MYOCD: variants seen among roughly 807,000 people sequenced by gnomAD.
MYOCD encodes the protein myocardin.
MYOCD carries 32 observed loss-of-function variants against 96.1 expected under a neutral mutation model. That is an observed-to-expected ratio of 0.33 (90% confidence interval 0.25 to 0.45). MYOCD has a LOEUF of 0.45. MYOCD is among the 20% of genes least tolerant of loss of function. MYOCD has a pLI of 1.00. For synonymous variants in MYOCD, 469 were observed against 469.0 expected (o/e 1.00, Z 0.00); for missense variants, 1,133 against 1,200.6 (o/e 0.94, Z 0.83).
intron 1 of MYOCD, among the ~76,000 whole-genome samples, chr17:12,699,907 C>A (rs1314421391): frequency 7.8e-6 from 1 of 128,560 alleles, no homozygotes; most frequent in Non-Finnish European, 1.6e-5. Context: ...TTTTTTTTTA[C>A]CTTTTTTTTT....
chr17:12,682,788 A>C (rs187586770), intron 1 of MYOCD, among the ~76,000 whole-genome samples: 1 of 152,314 alleles, frequency 6.6e-6, no homozygotes, highest in East Asian at 1.9e-4. Context: ...CATACCCAGA[A>C]GTCTTTGATT....
At chr17:12,730,364 C>A (rs1363415619) in intron 5 of MYOCD, among the ~76,000 whole-genome samples, 1 of 151,174 alleles carries the variant, frequency 6.6e-6, no homozygotes, top group African/African-American at 2.4e-5. Context: ...AGGAGAATCG[C>A]TTGAACCTGG....
chr17:12,669,612 G>C (rs771859142), intron 1 of MYOCD, among the ~76,000 whole-genome samples: 8 of 151,898 alleles, frequency 5.3e-5, no homozygotes, highest in Non-Finnish European at 1.2e-4. Context: ...TACAATCTGA[G>C]TGTTTTTTGT....
chr17:12,682,867 G>A (rs984713559), intron 1 of MYOCD, among the ~76,000 whole-genome samples: 1 of 152,132 alleles, frequency 6.6e-6, no homozygotes, highest in African/African-American at 2.4e-5. Flanking sequence ...CTGCCACCAC[G>A]GGATGCCCCT....
At chr17:12,719,697 A>AC (rs2150687413) in intron 4 of MYOCD, among the ~76,000 whole-genome samples, 1 of 97,556 alleles carries the variant, frequency 1.0e-5, no homozygotes, top group African/African-American at 3.7e-5. Context: ...TACTAAAAAT[A>AC]CAAAAAAAAA....
rs1293340916 is a variant in MYOCD, at chr17:12,746,002, G to C, written c.1055G>C (p.Ser352Thr). 6 of 1,614,092 alleles carry C rather than the reference G, an allele frequency of 3.7e-6. No homozygotes were observed. Among genetic ancestry groups the C allele is most frequent in the South Asian group, 1.1e-5 (1 of 91,090 alleles). ...SNTPLSPVKNSFSGQTGVSSF... is the reference protein window; with the variant it reads ...SNTPLSPVKNTFSGQTGVSSF... ...ACCCCCTTGTCTCCTGTCAAAAACAGTTTTTCTGGACAAACTGGTGTCTCT... is the reference window on the plus strand; with the variant it reads ...ACCCCCTTGTCTCCTGTCAAAAACACTTTTTCTGGACAAACTGGTGTCTCT... The change falls in exon 9 of 14, where the codon AGT (serine) becomes ACT (threonine). Residue 352 changes from serine (S) to threonine (T), a missense_variant. Transcript: ENST00000425538.
rs1267087009 is a variant in MYOCD, at chr17:12,767,303, A to G, written c.*3659A>G. ...AAAACATTTATGTCCAACCTGAAAA[A>G]AAAGCATCAATAAAACCTATCCCAA... On this transcript the variant is annotated 3_prime_UTR_variant, in exon 14 of 14. Coordinates refer to ENST00000425538, the MANE Select transcript of MYOCD (RefSeq NM_001146312.3). 1 of 152,192 alleles carries G rather than the reference A, an allele frequency of 6.6e-6. No homozygotes were observed. Among genetic ancestry groups the G allele is most frequent in the African/African-American group, 2.4e-5 (1 of 41,452 alleles). The allele number at this position is 152,192 out of a possible 1,614,324, so 9.4% of individuals were successfully genotyped here. A position where few individuals can be genotyped will look rare whatever the true frequency, so the allele number is the denominator to read the frequency against.
chr17:12,691,506 G>A (rs1224413942), intron 1 of MYOCD, among the ~76,000 whole-genome samples: 3 of 152,050 alleles, frequency 2.0e-5, no homozygotes, highest in African/African-American at 7.2e-5. Flanking sequence ...AAAGAAAACG[G>A]TACCCTACCT....
intron 7 of MYOCD, among the ~76,000 whole-genome samples, chr17:12,740,389 T>A (rs1423539193): frequency 6.6e-6 from 1 of 152,224 alleles, no homozygotes; most frequent in Non-Finnish European, 1.5e-5. Flanking sequence ...TCCTCATAGC[T>A]TAGTTCCCAC....
chr17:12,681,484 C>G (rs1423725766), intron 1 of MYOCD, among the ~76,000 whole-genome samples: 1 of 152,182 alleles, frequency 6.6e-6, no homozygotes, highest in Non-Finnish European at 1.5e-5. Context: ...GAACAGACAT[C>G]TTTCTAAAAC....
chr17:12,763,673 A>G lies in MYOCD; in HGVS notation c.*29A>G, dbSNP rs867364459. On this transcript the variant is annotated 3_prime_UTR_variant, in exon 14 of 14. Transcript: ENST00000425538. Reference sequence around the variant, plus strand: ...GCCCAATGCACCAGTGCTATGGAAGACCAATGGAGTTCCATGGGGGAAAGC... The same window carrying G: ...GCCCAATGCACCAGTGCTATGGAAGGCCAATGGAGTTCCATGGGGGAAAGC... 1.9e-6 allele frequency: 3 copies of G among 1,552,522 alleles called. No individual in the cohort carries two copies. In the African/African-American group the frequency reaches 4.1e-5, roughly 21 times the overall value.
intron 9 of MYOCD, among the ~76,000 whole-genome samples, chr17:12,747,586 A>G (rs751777110): frequency 2.2e-4 from 34 of 152,166 alleles, no homozygotes; most frequent in Non-Finnish European, 3.7e-4. Flanking sequence ...AATGAGATTG[A>G]CAAAGAACAA....
At chr17:12,684,803 G>T (rs554302305) in intron 1 of MYOCD, among the ~76,000 whole-genome samples, 2 of 147,192 alleles carry the variant, frequency 1.4e-5, no homozygotes, top group African/African-American at 5.0e-5. Context: ...CTGAGATCAC[G>T]CCACTGCACT....
chr17:12,751,871 G>A (rs1338900002), intron 9 of MYOCD, among the ~76,000 whole-genome samples: 1 of 152,198 alleles, frequency 6.6e-6, no homozygotes, highest in Non-Finnish European at 1.5e-5. Flanking sequence ...ACCACCTGAG[G>A]ACTTGTTAGA....
intron 1 of MYOCD, among the ~76,000 whole-genome samples, chr17:12,694,881 C>CAAAAAAAAAAAAAAAAAAAAAA (rs201215491): frequency 1.4e-5 from 1 of 69,650 alleles, no homozygotes; most frequent in Admixed American, 1.5e-4. Context: ...AAGGAATAAC[C>CAAAAAAAAAAAAAAAAAAAAAA]AAAAAAAAAA....
intron 1 of MYOCD, among the ~76,000 whole-genome samples, chr17:12,681,326 T>C (rs1039826669): frequency 6.6e-6 from 1 of 152,194 alleles, no homozygotes; most frequent in Admixed American, 6.6e-5. Context: ...TCTTGAGTTA[T>C]TTTAACATGA....
intron 10 of MYOCD, 130 bp from the exon 11 acceptor site, chr17:12,756,283 TG>T: frequency 9.3e-7 from 1 of 1,070,818 alleles, no homozygotes; most frequent in Non-Finnish European, 1.4e-6. Context: ...CAAGTTCATC[TG>T]GTAATGGAAT....
chr17:12,745,829 T>C (rs1370590104), intron 8 of MYOCD, 90 bp from the exon 9 acceptor site: 18 of 1,370,686 alleles, frequency 1.3e-5, no homozygotes, highest in Non-Finnish European at 1.7e-5. Context: ...GCCTGACCCT[T>C]GCAGGCAATC....
intron 10 of MYOCD, among the ~76,000 whole-genome samples, chr17:12,753,938 C>G (rs2032935225): frequency 6.6e-6 from 1 of 152,094 alleles, no homozygotes; most frequent in Non-Finnish European, 1.5e-5. Context: ...TAGTGCTGAA[C>G]TAGCCAAACA....
Sources: gnomAD v4.1 joint callset for allele counts (sites outside exome capture counted in the v4.1 genomes callset) on GRCh38, gnomAD v4.1.1 for gene constraint, MANE v1.5 for transcripts, NCBI Gene and HGNC (gene_info 2026-07-23, HGNC 2026-07-21) for gene names.